Variants in C12orf54 observed in about 807,000 individuals in gnomAD.
The protein encoded by C12orf54 is chromosome 12 open reading frame 54, also known as uncharacterized protein C12orf54.
C12orf54 carries 24 observed loss-of-function variants against 26.4 expected under a neutral mutation model. The observed-to-expected ratio is 0.91, with a 90% CI of 0.66 to 1.28. The LOEUF (loss-of-function observed/expected upper bound fraction) is 1.28. Among genes scored for constraint, C12orf54 ranks in the 50% most tolerant of loss-of-function variants. The pLI, the probability that C12orf54 is intolerant of heterozygous loss-of-function variation, is 0.00. For synonymous variants in C12orf54, 54 were observed against 47.0 expected (o/e 1.15, Z -0.61); for missense variants, 154 against 150.9 (o/e 1.02, Z -0.11).
chr12:48,485,143 C>G (rs1954244102), intron 2 of C12orf54, among the ~76,000 whole-genome samples: 1 of 152,090 alleles, frequency 6.6e-6, no homozygotes, highest in Non-Finnish European at 1.5e-5. Flanking sequence ...GTATCACAAT[C>G]ATAGCTCACT....
intron 6 of C12orf54, among the ~76,000 whole-genome samples, chr12:48,492,111 A>C (rs1937801822): frequency 6.6e-6 from 1 of 152,170 alleles, no homozygotes; most frequent in South Asian, 2.1e-4. Context: ...AGACAGGGAG[A>C]GGAGGAAATC....
At chr12:48,470,063 A>G in the C12orf54 span, among the ~76,000 whole-genome samples, 1 of 152,308 alleles carries the variant, frequency 6.6e-6, no homozygotes, top group East Asian at 1.9e-4. Context: ...CATGGTGTCT[A>G]TGTACCACAT....
the C12orf54 span, among the ~76,000 whole-genome samples, chr12:48,429,986 A>G: frequency 6.6e-6 from 1 of 152,230 alleles, no homozygotes. Flanking sequence ...AATGGAACAG[A>G]ATAAAGAACC....
At position 48,491,377 on chromosome 12, in the gene C12orf54, C is replaced by T. The variant is rs144655076; in HGVS notation, c.193+541C>T. ...TTCATGAGAGCTCTGCCCTCATAAGCGAATTACCTCCCAAAGGCCCCACAA... is the reference window on the plus strand; with the variant it reads ...TTCATGAGAGCTCTGCCCTCATAAGTGAATTACCTCCCAAAGGCCCCACAA... On this transcript the variant is annotated intron_variant, in intron 6 of 8. Coordinates refer to ENST00000548364, the MANE Select transcript of C12orf54 (RefSeq NM_152319.4). Among the ~76,000 whole-genome samples, 424 of 152,276 alleles carry T rather than the reference C, an allele frequency of 2.8e-3. 1 individual carries two copies. The highest frequency in any genetic ancestry group is 4.5e-3 in the Non-Finnish European group (305 of 68,030).
intron 6 of C12orf54, among the ~76,000 whole-genome samples, chr12:48,491,759 G>C (rs980968666): frequency 6.6e-6 from 1 of 152,162 alleles, no homozygotes; most frequent in South Asian, 2.1e-4. Flanking sequence ...TAGCAGAAAA[G>C]CCATATCTGG....
chr12:48,472,647 G>C, the C12orf54 span: 1 of 1,613,892 alleles, frequency 6.2e-7, no homozygotes, highest in South Asian at 1.1e-5. Context: ...AGGAGCCTCT[G>C]CAGAGAAAGC....
chr12:48,427,594 G>A, the C12orf54 span, among the ~76,000 whole-genome samples: 8 of 151,826 alleles, frequency 5.3e-5, no homozygotes, highest in South Asian at 2.1e-4. Context: ...ATTATATAAC[G>A]GTAAGTGGCC....
chr12:48,491,985 G>A (rs1033873642), intron 6 of C12orf54, among the ~76,000 whole-genome samples: 1 of 152,046 alleles, frequency 6.6e-6, no homozygotes, highest in African/African-American at 2.4e-5. Context: ...GATTATCAAG[G>A]ATATATATGA....
chr12:48,458,179 T>G, the C12orf54 span, among the ~76,000 whole-genome samples: 1 of 152,196 alleles, frequency 6.6e-6, no homozygotes, highest in African/African-American at 2.4e-5. Context: ...CCTAGTGAAC[T>G]CCAGCCTGAC....
the C12orf54 span, among the ~76,000 whole-genome samples, chr12:48,448,173 G>A: frequency 1.3e-5 from 2 of 152,316 alleles, no homozygotes; most frequent in South Asian, 2.1e-4. Context: ...GAGAAACCAT[G>A]TAAGCCACTC....
chr12:48,465,561 G>C, the C12orf54 span, among the ~76,000 whole-genome samples: 2 of 152,100 alleles, frequency 1.3e-5, no homozygotes, highest in South Asian at 4.1e-4. Flanking sequence ...TCTCATTACT[G>C]GGTATATAAC....
chr12:48,439,132 A>C, the C12orf54 span, among the ~76,000 whole-genome samples: 2 of 152,174 alleles, frequency 1.3e-5, no homozygotes, highest in Non-Finnish European at 2.9e-5. Flanking sequence ...ATGCAGCCAA[A>C]AAACACATGA....
chr12:48,474,808 C>T, the C12orf54 span, among the ~76,000 whole-genome samples: 2 of 152,248 alleles, frequency 1.3e-5, no homozygotes, highest in Non-Finnish European at 2.9e-5. Flanking sequence ...TCTGTAGGCT[C>T]CACCTCTAGG....
chr12:48,432,303 G>A, the C12orf54 span, among the ~76,000 whole-genome samples: 11,082 of 152,146 alleles, frequency 0.073, 1,041 homozygotes, highest in East Asian at 0.39. Context: ...AGAAACAACC[G>A]TAGTCCTCAA....
At chr12:48,473,140 A>G in the C12orf54 span, 1 of 1,595,570 alleles carries the variant, frequency 6.3e-7, no homozygotes, top group Admixed American at 1.7e-5. Flanking sequence ...CCTAACTCGG[A>G]TGGTGAGGGC....
At chr12:48,465,427 G>A in the C12orf54 span, among the ~76,000 whole-genome samples, 1 of 152,144 alleles carries the variant, frequency 6.6e-6, no homozygotes, top group Admixed American at 6.5e-5. Flanking sequence ...ATGCTGGCAA[G>A]GTTGTGGAGA....
the C12orf54 span, among the ~76,000 whole-genome samples, chr12:48,448,272 A>T: frequency 2.0e-5 from 3 of 152,366 alleles, no homozygotes; most frequent in East Asian, 5.8e-4. Flanking sequence ...CATTTGTTAC[A>T]CAGCAGTAGA....
chr12:48,414,688 G>A, the C12orf54 span, among the ~76,000 whole-genome samples: 2 of 152,146 alleles, frequency 1.3e-5, no homozygotes, highest in Non-Finnish European at 2.9e-5. Context: ...TAAGTTGCTG[G>A]GGATTAATCT....
At chr12:48,482,280 G>T (rs1954206355), upstream of C12orf54, among the ~76,000 whole-genome samples, 1 of 152,092 alleles carries the variant, frequency 6.6e-6, no homozygotes, top group South Asian at 2.1e-4. Context: ...AGAATCAATG[G>T]ATTTCCAATG....
Sources: gnomAD v4.1 joint callset for allele counts (sites outside exome capture counted in the v4.1 genomes callset) on GRCh38, gnomAD v4.1.1 for gene constraint, MANE v1.5 for transcripts, NCBI Gene and HGNC (gene_info 2026-07-23, HGNC 2026-07-21) for gene names.